LCK: variants seen among roughly 807,000 people sequenced by gnomAD.
LCK encodes tyrosine-protein kinase Lck.
A neutral mutation model predicts 64.6 loss-of-function variants in LCK; 14 were observed. The observed-to-expected ratio is 0.22, with a 90% CI of 0.14 to 0.34. The LOEUF (loss-of-function observed/expected upper bound fraction) is 0.34, where lower values mean the gene tolerates loss of function less well. Ranked by LOEUF, LCK falls within the 10% of genes least tolerant of loss-of-function variation. The pLI, the probability that LCK is intolerant of heterozygous loss-of-function variation, is 1.00. For missense variants in LCK, 434 were observed against 668.1 expected, an observed-to-expected ratio of 0.65 and a Z score of 3.86; for synonymous variants, 277 against 263.6, an observed-to-expected ratio of 1.05 and a Z score of -0.49.
chr1:32,283,276 G>T (rs557478533), intron 12 of LCK, among the ~76,000 whole-genome samples: 3 of 136,848 alleles, frequency 2.2e-5, no homozygotes, highest in African/African-American at 8.6e-5. Context: ...GCAACAGAGC[G>T]AGACTCTGTC....
At chr1:32,272,048 C>G (rs1385437203) in intron 1 of LCK, among the ~76,000 whole-genome samples, 1 of 152,126 alleles carries the variant, frequency 6.6e-6, no homozygotes, top group Non-Finnish European at 1.5e-5. Context: ...CTTTGGGAGG[C>G]TGAGGCAGGA....
chr1:32,279,970 GACA>G lies in LCK; in HGVS notation c.1174_1176del (p.Asn392del), dbSNP rs1471810006. 7 of 1,614,180 alleles carry G rather than the reference GACA, an allele frequency of 4.3e-6. No homozygotes were observed. The highest frequency in any genetic ancestry group is 2.2e-5 in the East Asian group (1 of 44,890). ...CTTTGGCCTAGCACGCCTCATTGAGGACAACGAGTACACAGCCAGGGAGGGTAC... is the reference window on the plus strand; with the variant it reads ...CTTTGGCCTAGCACGCCTCATTGAGGACGAGTACACAGCCAGGGAGGGTAC... On this transcript the variant is annotated inframe_deletion, in exon 11 of 13. Coordinates refer to ENST00000336890, the MANE Select transcript of LCK (RefSeq NM_005356.5).
In LCK at chr1:32,285,525, C is replaced by T. The variant is rs753155978; in HGVS notation, c.1339C>T (p.Pro447Ser). Residue 447 changes from proline to serine, a missense_variant, in exon 13 of 13, where the codon CCG becomes TCG. Pro to Ser is a moderately conservative substitution (Grantham distance 74). Transcript: ENST00000336890. ...GRIPYPGMTNPEVIQNLERGY... is the reference protein window; with the variant it reads ...GRIPYPGMTNSEVIQNLERGY... ...CCATCAACCCGTAGGGATGACCAAC[C>T]CGGAGGTGATTCAGAACCTGGAGCG... 21 of 1,614,054 alleles carry T rather than the reference C, an allele frequency of 1.3e-5. No individual in the cohort carries two copies. In the East Asian group the frequency reaches 4.7e-4, roughly 36 times the overall value.
chr1:32,270,890 G>A (rs1640062639), intron 1 of LCK, among the ~76,000 whole-genome samples: 1 of 150,124 alleles, frequency 6.7e-6, no homozygotes, highest in East Asian at 2.0e-4. Context: ...TTTTAGTAGA[G>A]GCAGGGTTGC....
Position 32,285,921 on chromosome 1 carries a change from T to C in LCK, c.*205T>C. The C allele has an allele frequency of 1.7e-6, 1 of 604,142 alleles. No individual in the cohort carries two copies. 37.4% of individuals were successfully genotyped at this position (604,142 alleles called of 1,614,324 possible). On this transcript the variant is annotated 3_prime_UTR_variant, in exon 13 of 13. Coordinates refer to ENST00000336890, the MANE Select transcript of LCK (RefSeq NM_005356.5). The stretch of plus-strand genomic sequence containing the variant: ...GCACATGTCTTGTACATGTGTAGCC[T>C]GTGCATGTATGTCTTGGACACTGTA...
intron 1 of LCK, among the ~76,000 whole-genome samples, chr1:32,261,240 A>C (rs1323275381): frequency 9.4e-6 from 1 of 106,094 alleles, no homozygotes. Context: ...TGCTTGGCTA[A>C]TTTTTTTTTT....
intron 1 of LCK, among the ~76,000 whole-genome samples, chr1:32,256,242 A>G (rs940477544): frequency 2.6e-5 from 4 of 151,830 alleles, no homozygotes; most frequent in African/African-American, 9.7e-5. Flanking sequence ...GGTTCAAGCA[A>G]TTCTCCTGCC....
chr1:32,276,425 TC>T lies in LCK; in HGVS notation c.723del (p.Arg242GlyfsTer4). On this transcript the variant is annotated frameshift_variant, in exon 8 of 13. Transcript: ENST00000336890. LOFTEE classifies it high-confidence loss of function. The surrounding 1 kb of genome is among the most constrained non-coding windows in gnomAD (Gnocchi z 4.6). ...CGTGGTGGGAGGACGAGTGGGAGGT[TC>T]CCAGGGAGACGCTGAAGCTGGTGGA... ...KPWWEDEWEV[P>X]RETLKLVERL... is the part of the protein sequence containing the mutation. 6.2e-7 allele frequency: 1 copy of T among 1,612,594 alleles called. No homozygotes were observed. Among genetic ancestry groups the T allele is most frequent in the Non-Finnish European group, 8.5e-7 (1 of 1,179,874 alleles).
At chr1:32,265,933 G>A (rs1352289613) in intron 1 of LCK, among the ~76,000 whole-genome samples, 1 of 152,086 alleles carries the variant, frequency 6.6e-6, no homozygotes, top group Non-Finnish European at 1.5e-5. Flanking sequence ...TTCCCAAAGG[G>A]ATTACAGACA....
At chr1:32,255,603 G>C (rs146442310) in intron 1 of LCK, among the ~76,000 whole-genome samples, 15 of 152,182 alleles carry the variant, frequency 9.9e-5, no homozygotes, top group African/African-American at 2.9e-4. Flanking sequence ...CATGTTGTCG[G>C]CAGTCACAGA....
At chr1:32,285,444 T>A (rs984907803) in intron 12 of LCK, 70 bp from the exon 13 acceptor site, 16 of 1,381,558 alleles carry the variant, frequency 1.2e-5, no homozygotes, top group Non-Finnish European at 1.7e-5. Context: ...AGTTAAATAT[T>A]CCGAACATTA....
At chr1:32,262,223 G>A (rs1456826059) in intron 1 of LCK, among the ~76,000 whole-genome samples, 1 of 143,210 alleles carries the variant, frequency 7.0e-6, no homozygotes, top group Admixed American at 7.0e-5. Context: ...GAGCATGGTC[G>A]GGTGCCGTGG....
Position 32,276,016 on chromosome 1 carries a change from C to T in LCK, c.584C>T (p.Pro195Leu). 2 of 1,614,152 alleles carry T rather than the reference C, an allele frequency of 1.2e-6. No individual in the cohort carries two copies. Among genetic ancestry groups the T allele is most frequent in the Non-Finnish European group, 1.7e-6 (2 of 1,180,010 alleles). The change falls in exon 7 of 13, where the codon CCT becomes CTT. Residue 195 changes from proline (P) to leucine (L), a missense_variant. Transcript: ENST00000336890. The surrounding 1 kb of genome is among the most constrained non-coding windows in gnomAD (Gnocchi z 4.6). Reference protein sequence around the residue: ...NLDNGGFYISPRITFPGLHEL... With the variant: ...NLDNGGFYISLRITFPGLHEL... ...GACAACGGTGGCTTCTACATCTCCC[C>T]TCGAATCACTTTTCCCGGCCTGCAT...
At position 32,275,275 on chromosome 1, in the gene LCK, A is replaced by G. The variant is rs1455656171; in HGVS notation, c.279-46A>G. On this transcript the variant is annotated intron_variant, in intron 4 of 12. Transcript: ENST00000336890. This position sits in a 1 kb window ranked among gnomAD's most constrained non-coding sequence, Gnocchi z 6.9. ...GGAGGGGTCTTTGAGGGAGGGTCTC[A>G]GGTCGACGGCTGAGCGAGCCACACT... 6.3e-7 allele frequency: 1 copy of G among 1,591,334 alleles called. No homozygotes were observed. The highest frequency in any genetic ancestry group is 1.1e-5 in the South Asian group (1 of 90,606).
Position 32,251,874 on chromosome 1 carries a change from G to A in LCK, c.-6+503G>A, listed in dbSNP as rs1347750400. ...CTTCTGGTTTCTGGGGCAGACCCCAGTGACAAGAATCTCCTGAGAAAGAGA... is the reference window on the plus strand; with the variant it reads ...CTTCTGGTTTCTGGGGCAGACCCCAATGACAAGAATCTCCTGAGAAAGAGA... On this transcript the variant is annotated intron_variant, in intron 1 of 12. Transcript: ENST00000336890. This position sits in a 1 kb window ranked among gnomAD's most constrained non-coding sequence, Gnocchi z 4.0. Among the ~76,000 whole-genome samples the A allele has an allele frequency of 2.0e-5, 3 of 149,136 alleles. No individual in the cohort carries two copies. The Admixed American group carries it at 2.0e-4, about 10-fold the overall frequency.
Position 32,275,054 on chromosome 1 carries a change from G to C in LCK, c.249G>C (p.Glu83Asp). 2 of 1,614,004 alleles carry C rather than the reference G, an allele frequency of 1.2e-6. No individual in the cohort carries two copies. Among genetic ancestry groups the C allele is most frequent in the Non-Finnish European group, 1.7e-6 (2 of 1,179,886 alleles). The change falls in exon 4 of 13, where the codon GAG (glutamate) becomes GAC (aspartate). Residue 83 changes from glutamate to aspartate, a missense_variant. By Grantham distance (45) the Glu-to-Asp change is conservative (BLOSUM62 2). Around this residue, in one of 2 missense-constraint regions of LCK, gnomAD observed 233 missense variants for 291.2 expected, o/e 0.80. Coordinates refer to ENST00000336890, the MANE Select transcript of LCK (RefSeq NM_005356.5). The surrounding 1 kb of genome is among the most constrained non-coding windows in gnomAD (Gnocchi z 6.9). Reference protein sequence around the residue: ...EPSHDGDLGFEKGEQLRILEQ... With the variant: ...EPSHDGDLGFDKGEQLRILEQ... ...CTCACGACGGAGATCTGGGCTTTGA[G>C]AAGGGGGAACAGCTCCGCATCCTGG...
rs1640198506 is a variant in LCK, at chr1:32,274,639, C to T, written c.106-98C>T. 4 of 1,086,848 alleles carry T rather than the reference C, an allele frequency of 3.7e-6. No individual in the cohort carries two copies. In the East Asian group the frequency reaches 9.6e-5, roughly 26 times the overall value. 67.3% of individuals were successfully genotyped at this position (1,086,848 alleles called of 1,614,324 possible). On this transcript the variant is annotated intron_variant, in intron 2 of 12. Coordinates refer to ENST00000336890, the MANE Select transcript of LCK (RefSeq NM_005356.5). ...TGGTAAACTCAGGGATAACATCTAA[C>T]CAGGCTGGAGAGGCTGAGAGCAGAG...
At chr1:32,280,267 C>T (rs889244098) in intron 12 of LCK, 57 bp downstream of exon 12, 232 of 1,598,774 alleles carry the variant, frequency 1.5e-4, no homozygotes, top group Non-Finnish European at 1.9e-4. Context: ...CCATGTCTTC[C>T]CATTCAATTC....
intron 1 of LCK, among the ~76,000 whole-genome samples, chr1:32,270,231 A>T (rs72886397): frequency 0.07 from 10,414 of 147,752 alleles, 1,191 homozygotes; most frequent in African/African-American, 0.24. Flanking sequence ...GCAATTCTCC[A>T]GCCACCATGC....
Sources: allele counts gnomAD v4.1 joint callset (sites outside exome capture counted in the v4.1 genomes callset), GRCh38; gene constraint gnomAD v4.1.1; regional missense constraint gnomAD v4.1.1; non-coding constraint Gnocchi (gnomAD v3.1); transcripts MANE v1.5; gene names NCBI Gene and HGNC (gene_info 2026-07-23, HGNC 2026-07-21).